The following COL8A1 variants were observed in gnomAD, a reference collection of about 807,000 sequenced individuals.
COL8A1 encodes the protein collagen type VIII alpha 1 chain.
In COL8A1, 21 loss-of-function variants were observed where a neutral mutation model predicts 42.7. The ratio of observed to expected loss-of-function variants is 0.49; its 90% CI spans 0.35 to 0.71. The LOEUF is 0.71. Among genes scored for constraint, COL8A1 ranks in the 30% least tolerant of loss-of-function variants. The pLI is 0.01. For synonymous variants in COL8A1, 367 were observed against 369.1 expected (o/e 0.99, Z 0.06); for missense variants, 788 against 962.4 (o/e 0.82, Z 2.40).
chr3:99,731,108 A>T (rs1389884893), intron 1 of COL8A1, among the ~76,000 whole-genome samples: 1 of 152,080 alleles, frequency 6.6e-6, no homozygotes, highest in Non-Finnish European at 1.5e-5. Flanking sequence ...CCTGCTTTGG[A>T]GTAGTTGGGG....
chr3:99,793,619 T>C (rs1157545310), intron 3 of COL8A1, among the ~76,000 whole-genome samples: 2 of 152,142 alleles, frequency 1.3e-5, no homozygotes, highest in East Asian at 3.8e-4. Flanking sequence ...CTTGGAAAAA[T>C]GTTTCTTCTT....
At chr3:99,729,592 C>T (rs1940440691) in intron 1 of COL8A1, among the ~76,000 whole-genome samples, 1 of 151,976 alleles carries the variant, frequency 6.6e-6, no homozygotes, top group Non-Finnish European at 1.5e-5. Context: ...TTCCTCTCTT[C>T]TAATTTATCA....
Position 99,795,962 on chromosome 3 carries a change from C to T in COL8A1, c.2061C>T (p.Tyr687=). Residue 687 remains tyrosine (Y), a synonymous_variant, in exon 4 of 4, where the codon TAC becomes TAT. Coordinates refer to ENST00000652472, the MANE Select transcript of COL8A1 (RefSeq NM_020351.4). Reference sequence around the variant, plus strand: ...TCAAGAACAACGAGCCCGTGATGTACACGTACGACGAGTACAAAAAGGGCT... The same window carrying T: ...TCAAGAACAACGAGCCCGTGATGTATACGTACGACGAGTACAAAAAGGGCT... ...ALFKNNEPVM[Y]TYDEYKKGFL... The T allele has an allele frequency of 6.2e-7, 1 of 1,614,108 alleles. No individual in the cohort carries two copies.
chr3:99,779,778 C>A (rs1941762732), intron 2 of COL8A1, among the ~76,000 whole-genome samples: 1 of 152,096 alleles, frequency 6.6e-6, no homozygotes, highest in Non-Finnish European at 1.5e-5. Flanking sequence ...CATACTCAGA[C>A]TGGGGATTTA....
intron 2 of COL8A1, among the ~76,000 whole-genome samples, chr3:99,778,377 G>A (rs900902582): frequency 6.6e-6 from 1 of 152,220 alleles, no homozygotes; most frequent in Non-Finnish European, 1.5e-5. Context: ...TTTGTAGAGA[G>A]AGAGAGAACT....
intron 2 of COL8A1, among the ~76,000 whole-genome samples, chr3:99,773,996 C>A (rs1484819108): frequency 6.7e-6 from 1 of 149,978 alleles, no homozygotes; most frequent in Non-Finnish European, 1.5e-5. Flanking sequence ...AGGCGCCCAC[C>A]ACCACGCCCA....
chr3:99,712,406 C>T (rs776833702), intron 1 of COL8A1, among the ~76,000 whole-genome samples: 4 of 152,098 alleles, frequency 2.6e-5, no homozygotes, highest in Non-Finnish European at 5.9e-5. Context: ...GTTGGCCAAG[C>T]CAATGGCAAA....
rs1234243428 is a variant in COL8A1 at position 99,736,745 on chromosome 3, G to T, written c.-128-8152G>T. Among the ~76,000 whole-genome samples, 7 of 151,992 alleles carry T rather than the reference G, an allele frequency of 4.6e-5. No individual in the cohort carries two copies. The East Asian group carries it at 1.4e-3, about 29-fold the overall frequency. On this transcript the variant is annotated intron_variant, in intron 1 of 3. Transcript: ENST00000652472. The stretch of plus-strand genomic sequence containing the variant: ...TGGAGAGTTCTGTAGATGTCTATTA[G>T]GTCCGCTTGGTGCAGAGCTGAGTTC...
intron 1 of COL8A1, among the ~76,000 whole-genome samples, chr3:99,662,097 G>A (rs572382291): frequency 1.0e-3 from 159 of 152,232 alleles, no homozygotes; most frequent in African/African-American, 3.6e-3. Context: ...GGTTAATATG[G>A]GCCGAGCACG....
chr3:99,697,073 G>A (rs2948146), intron 1 of COL8A1, among the ~76,000 whole-genome samples: 5 of 127,662 alleles, frequency 3.9e-5, no homozygotes, highest in Middle Eastern at 5.2e-3. Flanking sequence ...TGCAAGCTCC[G>A]CCTCCCGGGT....
At chr3:99,724,437 A>C (rs556603009) in intron 1 of COL8A1, among the ~76,000 whole-genome samples, 1 of 152,244 alleles carries the variant, frequency 6.6e-6, no homozygotes, top group African/African-American at 2.4e-5. Flanking sequence ...AGCTCAGAGC[A>C]GTCTGCCATT....
intron 2 of COL8A1, among the ~76,000 whole-genome samples, chr3:99,784,585 A>G (rs531677134): frequency 6.6e-6 from 1 of 152,346 alleles, no homozygotes; most frequent in South Asian, 2.1e-4. Context: ...TGAGTGCTGT[A>G]GGCAACTGTA....
intron 2 of COL8A1, among the ~76,000 whole-genome samples, chr3:99,753,224 G>A (rs1941187464): frequency 6.6e-6 from 1 of 152,166 alleles, no homozygotes; most frequent in Admixed American, 6.5e-5. Context: ...ATGATGGTGA[G>A]GCTACTGGCA....
intron 2 of COL8A1, among the ~76,000 whole-genome samples, chr3:99,757,058 G>A (rs1344543378): frequency 6.6e-6 from 1 of 152,160 alleles, no homozygotes; most frequent in African/African-American, 2.4e-5. Context: ...GAAAGACAGG[G>A]ACTTTTCTGT....
chr3:99,651,666 C>A (rs755424360), intron 1 of COL8A1, among the ~76,000 whole-genome samples: 4 of 152,198 alleles, frequency 2.6e-5, no homozygotes, highest in Non-Finnish European at 5.9e-5. Flanking sequence ...TAGATTCTAA[C>A]CTATTAATAA....
At position 99,780,645 on chromosome 3, in the gene COL8A1, T is replaced by TCTGGTGC. The variant is rs141961043; in HGVS notation, c.-3-10032_-3-10026dup. Reference sequence around the variant, plus strand: ...CGAAATTCCATATGTTCTTGTAAGTTCTGGTGCCTTATAATGAGTTTTGCT... The same window carrying TCTGGTGC: ...CGAAATTCCATATGTTCTTGTAAGTTCTGGTGCCTGGTGCCTTATAATGAGTTTTGCT... On this transcript the variant is annotated intron_variant, in intron 2 of 3. Transcript: ENST00000652472. Among the ~76,000 whole-genome samples the TCTGGTGC allele has an allele frequency of 3.9e-3, 598 of 152,320 alleles. 2 individuals are homozygous for TCTGGTGC. The highest frequency in any genetic ancestry group is 5.2e-3 in the Non-Finnish European group (356 of 68,028).
rs1942078872 is a variant in COL8A1 at position 99,795,149 on chromosome 3, T to C, written c.1248T>C (p.Gly416=). The C allele has an allele frequency of 2.5e-6, 4 of 1,613,272 alleles. No homozygotes were observed. Among genetic ancestry groups the C allele is most frequent in the Non-Finnish European group, 3.4e-6 (4 of 1,179,678 alleles). ...AIGFPGPKGE[G]GIVGPQGPPG... ...GTTTTCCTGGACCCAAAGGAGAAGG[T>C]GGGATTGTAGGGCCACAGGGGCCAC... The change falls in exon 4 of 4, where the codon GGT becomes GGC. Residue 416 remains glycine (G), a synonymous_variant. Transcript: ENST00000652472.
intron 1 of COL8A1, chr3:99,679,022 G>T (rs1938786289): frequency 6.6e-6 from 1 of 152,172 alleles, no homozygotes; most frequent in South Asian, 2.1e-4. Context: ...ATAGCTATCT[G>T]TTATGGATAA....
intron 2 of COL8A1, among the ~76,000 whole-genome samples, chr3:99,767,498 T>C (rs193074476): frequency 6.6e-6 from 1 of 152,228 alleles, no homozygotes; most frequent in South Asian, 2.1e-4. Flanking sequence ...ATTAATATTC[T>C]TGGTAACAGC....
Sources: gnomAD v4.1 joint callset for allele counts (sites outside exome capture counted in the v4.1 genomes callset) on GRCh38, gnomAD v4.1.1 for gene constraint, MANE v1.5 for transcripts, NCBI Gene and HGNC (gene_info 2026-07-23, HGNC 2026-07-21) for gene names.